RIC1: variants seen among roughly 807,000 people sequenced by gnomAD.
The protein encoded by RIC1 is RIC1 partner of RAB6A GEF complex.
Under a neutral mutation model 169.0 loss-of-function variants are expected in RIC1, and 88 were observed. The ratio of observed to expected loss-of-function variants is 0.52; its 90% CI spans 0.44 to 0.62. The LOEUF is 0.62. Ranked by LOEUF, RIC1 falls within the 20% of genes least tolerant of loss-of-function variation. The pLI is 0.00. For missense variants in RIC1, 1,877 were observed against 1,725.5 expected (o/e 1.09, Z -1.56); for synonymous variants, 790 against 601.5 (o/e 1.31, Z -4.59).
intron 14 of RIC1, among the ~76,000 whole-genome samples, chr9:5,753,875 T>C (rs1233430366): frequency 6.6e-6 from 1 of 152,238 alleles, no homozygotes; most frequent in East Asian, 1.9e-4. Context: ...TAATTCTTTT[T>C]AAGATCGGTA....
intron 1 of RIC1, among the ~76,000 whole-genome samples, chr9:5,643,895 A>G (rs907118635): frequency 2.0e-5 from 3 of 152,218 alleles, no homozygotes; most frequent in African/African-American, 7.2e-5. Context: ...GCAGGCATCA[A>G]TTGGTTGGAA....
At chr9:5,719,402 C>G (rs979562040) in intron 4 of RIC1, 4 of 152,210 alleles carry the variant, frequency 2.6e-5, no homozygotes, top group Non-Finnish European at 5.9e-5. Context: ...GTGATGAGAT[C>G]ATGCTATGTA....
chr9:5,701,743 G>C (rs118148642), intron 3 of RIC1, among the ~76,000 whole-genome samples: 1 of 152,150 alleles, frequency 6.6e-6, no homozygotes, highest in African/African-American at 2.4e-5. Context: ...GGTAGGTAGT[G>C]CATGTCAAAT....
At chr9:5,768,899 C>G in intron 21 of RIC1, 71 bp from the exon 22 acceptor site, 4 of 1,477,166 alleles carry the variant, frequency 2.7e-6, no homozygotes, top group Non-Finnish European at 3.6e-6. Flanking sequence ...TTATCAGTAC[C>G]TCTGCGTAAT....
intron 1 of RIC1, among the ~76,000 whole-genome samples, chr9:5,630,682 TA>T (rs1817675703): frequency 6.6e-6 from 1 of 152,210 alleles, no homozygotes; most frequent in Non-Finnish European, 1.5e-5. Context: ...AAAACAAACT[TA>T]TAAAATCGTA....
intron 13 of RIC1, 69 bp from the exon 14 acceptor site, chr9:5,753,467 C>A: frequency 1.0e-6 from 1 of 974,170 alleles, no homozygotes. Flanking sequence ...TGACACAATA[C>A]TAAGCTCTTT....
At chr9:5,682,123 C>G (rs1444188514) in intron 2 of RIC1, among the ~76,000 whole-genome samples, 1 of 152,162 alleles carries the variant, frequency 6.6e-6, no homozygotes, top group African/African-American at 2.4e-5. Context: ...ATTTGCCAGT[C>G]TGTGTCTTTT....
intron 8 of RIC1, among the ~76,000 whole-genome samples, chr9:5,742,181 A>G (rs555825157): frequency 1.3e-5 from 2 of 152,246 alleles, no homozygotes; most frequent in African/African-American, 4.8e-5. Flanking sequence ...GATATAGTCC[A>G]TTGTAGTCCC....
chr9:5,732,640 A>T (rs530749689), intron 7 of RIC1, among the ~76,000 whole-genome samples, 161 bp downstream of exon 7: 1 of 152,278 alleles, frequency 6.6e-6, no homozygotes, highest in South Asian at 2.1e-4. Flanking sequence ...ATTTTATTAG[A>T]TTGAAACAAA....
At chr9:5,767,134 T>C (rs1415081511) in intron 21 of RIC1, among the ~76,000 whole-genome samples, 2 of 152,256 alleles carry the variant, frequency 1.3e-5, no homozygotes, top group African/African-American at 2.4e-5. Context: ...GATAAATCTG[T>C]AGGTAATCCA....
intron 2 of RIC1, among the ~76,000 whole-genome samples, chr9:5,678,502 A>C (rs1208209236): frequency 1.3e-5 from 2 of 151,804 alleles, no homozygotes; most frequent in Non-Finnish European, 2.9e-5. Flanking sequence ...CATCCTCTCC[A>C]GCACCTGTTG....
intron 7 of RIC1, among the ~76,000 whole-genome samples, chr9:5,737,363 T>A (rs1824779120): frequency 6.6e-6 from 1 of 152,152 alleles, no homozygotes; most frequent in Non-Finnish European, 1.5e-5. Flanking sequence ...AAAAATAAAA[T>A]GTTTATAAAT....
Position 5,763,109 on chromosome 9 carries a change from A to G in RIC1, c.2113-31A>G, listed in dbSNP as rs1826447009. 6.3e-7 allele frequency: 1 copy of G among 1,598,538 alleles called. No individual in the cohort carries two copies. The highest frequency in any genetic ancestry group is 1.7e-5 in the Admixed American group (1 of 58,654). ...TAAGAACCTGCAGATTTAATAGGAA[A>G]ACAACTTGATTCTTGTCTCTCCTTC... On this transcript the variant is annotated intron_variant, in intron 18 of 25. Transcript: ENST00000414202. The surrounding 1 kb of genome is among the most constrained non-coding windows in gnomAD (Gnocchi z 5.2).
chr9:5,710,130 A>G (rs926496658), intron 3 of RIC1, among the ~76,000 whole-genome samples: 1 of 152,192 alleles, frequency 6.6e-6, no homozygotes, highest in African/African-American at 2.4e-5. Context: ...TTAAGAACCT[A>G]CAGGATACTG....
At chr9:5,767,981 T>A (rs1394283392) in intron 21 of RIC1, among the ~76,000 whole-genome samples, 1 of 152,196 alleles carries the variant, frequency 6.6e-6, no homozygotes, top group Non-Finnish European at 1.5e-5. Flanking sequence ...TCTATGAGGG[T>A]TATCCACATT....
intron 14 of RIC1, among the ~76,000 whole-genome samples, 179 bp from the exon 15 acceptor site, chr9:5,754,662 C>T (rs1825899519): frequency 1.3e-5 from 2 of 152,018 alleles, no homozygotes; most frequent in East Asian, 1.9e-4. Flanking sequence ...ACCCAGGAGG[C>T]GGAGGTTGCA....
intron 1 of RIC1, among the ~76,000 whole-genome samples, chr9:5,651,261 T>G (rs1052639179): frequency 6.6e-6 from 1 of 152,212 alleles, no homozygotes; most frequent in African/African-American, 2.4e-5. Context: ...TGCTTCCCTC[T>G]TCTTCCTTGC....
intron 1 of RIC1, among the ~76,000 whole-genome samples, chr9:5,640,254 T>G (rs1818173724): frequency 6.6e-6 from 1 of 152,210 alleles, no homozygotes; most frequent in Non-Finnish European, 1.5e-5. Context: ...TTGAGTTTAC[T>G]GTGAGACTTG....
In RIC1 at chr9:5,747,287, C is replaced by G. The variant is rs1452122987; in HGVS notation, c.1249-15C>G. 6.2e-7 allele frequency: 1 copy of G among 1,610,044 alleles called. No homozygotes were observed. The highest frequency in any genetic ancestry group is 2.2e-5 in the East Asian group (1 of 44,848). ...TTTCCTCCTTTGCCCTTTTGTTCCT[C>G]TTTCCCTCATTTAGAGTAACCAAGA... is the stretch of plus-strand genomic sequence containing the variant. On this transcript the variant is annotated splice_polypyrimidine_tract_variant and intron_variant, in intron 11 of 25. Coordinates refer to ENST00000414202, the MANE Select transcript of RIC1 (RefSeq NM_020829.4).
Sources: allele counts gnomAD v4.1 joint callset (sites outside exome capture counted in the v4.1 genomes callset), GRCh38; gene constraint gnomAD v4.1.1; non-coding constraint Gnocchi (gnomAD v3.1); transcripts MANE v1.5; gene names NCBI Gene and HGNC (gene_info 2026-07-23, HGNC 2026-07-21).